FAM53B: variants seen among roughly 807,000 people sequenced by gnomAD.
The protein encoded by FAM53B is family with sequence similarity 53 member B.
In FAM53B, 12 loss-of-function variants were observed where a neutral mutation model predicts 32.7. The ratio of observed to expected loss-of-function variants is 0.37; its 90% CI spans 0.24 to 0.59. The LOEUF is 0.59. Ranked by LOEUF, FAM53B falls within the 20% of genes least tolerant of loss-of-function variation. The pLI, the probability that FAM53B is intolerant of heterozygous loss-of-function variation, is 0.72. For synonymous variants in FAM53B, 234 were observed against 228.7 expected, an observed-to-expected ratio of 1.02 and a Z score of -0.21; for missense variants, 477 against 577.7, an observed-to-expected ratio of 0.83 and a Z score of 1.79.
intron 1 of FAM53B, among the ~76,000 whole-genome samples, chr10:124,726,318 A>T (rs1166381054): frequency 1.3e-5 from 2 of 152,140 alleles, no homozygotes; most frequent in Non-Finnish European, 1.5e-5. Flanking sequence ...GGCCCTGGAA[A>T]TCTAAATCTA....
At chr10:124,637,296 C>T (rs1398023933) in intron 4 of FAM53B, among the ~76,000 whole-genome samples, 7 of 152,204 alleles carry the variant, frequency 4.6e-5, no homozygotes, top group Admixed American at 1.3e-4. Flanking sequence ...AGGTCCAGGA[C>T]GTACCTGGCA....
chr10:124,675,644 C>A (rs912484353), intron 4 of FAM53B, among the ~76,000 whole-genome samples: 3 of 152,186 alleles, frequency 2.0e-5, no homozygotes, highest in African/African-American at 7.2e-5. Context: ...GGGGACACAC[C>A]CCCAGTTATC....
At chr10:124,705,208 CCTGA>C (rs1564883081) in intron 2 of FAM53B, among the ~76,000 whole-genome samples, 1 of 152,176 alleles carries the variant, frequency 6.6e-6, no homozygotes, top group Non-Finnish European at 1.5e-5. Flanking sequence ...GCTGAAGAGA[CCTGA>C]CTGAGGGAGG....
rs762791368 is a variant in FAM53B, at chr10:124,651,020, G to C, written c.907-27416C>G. ...ATGTGAATTAGCCACGCCAGACACT[G>C]GGAGCCCCCCAATCTCCCTTCAGAG... On this transcript the variant is annotated intron_variant, in intron 4 of 4. Transcript: ENST00000337318. This position sits in a 1 kb window ranked among gnomAD's most constrained non-coding sequence, Gnocchi z 5.2. 3.3e-5 allele frequency among the ~76,000 whole-genome samples: 5 copies of C among 151,608 alleles called. No homozygotes were observed. Among genetic ancestry groups the C allele is most frequent in the Non-Finnish European group, 7.4e-5 (5 of 67,930 alleles).
At chr10:124,695,487 A>G (rs1411777907) in intron 3 of FAM53B, among the ~76,000 whole-genome samples, 6 of 152,220 alleles carry the variant, frequency 3.9e-5, no homozygotes, top group Non-Finnish European at 8.8e-5. Context: ...CAGCCTGTCT[A>G]TTCCACTCCT....
intron 1 of FAM53B, among the ~76,000 whole-genome samples, chr10:124,721,526 G>A (rs565565388): frequency 2.6e-5 from 4 of 152,194 alleles, no homozygotes; most frequent in Non-Finnish European, 4.4e-5. Context: ...CTCCCCAAGC[G>A]ACGCCAACCA....
At chr10:124,624,878 C>T (rs1317378991) in intron 4 of FAM53B, among the ~76,000 whole-genome samples, 3 of 152,192 alleles carry the variant, frequency 2.0e-5, no homozygotes, top group Non-Finnish European at 4.4e-5. Flanking sequence ...CCTGGATATC[C>T]CCAACCGGAC....
chr10:124,727,599 C>T (rs1272478551), intron 1 of FAM53B, among the ~76,000 whole-genome samples: 1 of 152,126 alleles, frequency 6.6e-6, no homozygotes, highest in Non-Finnish European at 1.5e-5. Flanking sequence ...CACTGCCATT[C>T]ACCATCGTTC....
chr10:124,632,683 T>C (rs905405833), intron 4 of FAM53B, among the ~76,000 whole-genome samples: 1 of 152,208 alleles, frequency 6.6e-6, no homozygotes, highest in African/African-American at 2.4e-5. Context: ...TTGTCTTCCA[T>C]GGAGGGCACA....
chr10:124,678,678 G>C (rs780987094), intron 4 of FAM53B, among the ~76,000 whole-genome samples: 1 of 152,088 alleles, frequency 6.6e-6, no homozygotes, highest in Non-Finnish European at 1.5e-5. Context: ...GCTTCTAGCA[G>C]AGTCTACACC....
intron 4 of FAM53B, among the ~76,000 whole-genome samples, chr10:124,633,713 G>A (rs190617584): frequency 5.7e-4 from 86 of 152,192 alleles, no homozygotes; most frequent in African/African-American, 2.0e-3. Context: ...CTCAACAGAT[G>A]GTACTGAAAC....
In FAM53B at chr10:124,626,397, C is replaced by CG. The variant is rs989968675; in HGVS notation, c.907-2794_907-2793insC. On this transcript the variant is annotated intron_variant, in intron 4 of 4. Coordinates refer to ENST00000337318, the MANE Select transcript of FAM53B (RefSeq NM_014661.4). ...TACGGTCGAAATTTGTGCCCCCCCC[C>CG]CCCCCACCATTCCTCAGTGCAAAAG... Among the ~76,000 whole-genome samples, 150 of 146,378 alleles carry CG rather than the reference C, an allele frequency of 1.0e-3. 4 individuals are homozygous for CG. The highest frequency in any genetic ancestry group is 3.4e-3 in the African/African-American group (137 of 40,352).
At chr10:124,650,499 G>C (rs1475691113) in intron 4 of FAM53B, among the ~76,000 whole-genome samples, 1 of 151,284 alleles carries the variant, frequency 6.6e-6, no homozygotes, top group East Asian at 1.9e-4. Flanking sequence ...GGCCAGATGT[G>C]CTAGGCGCTC....
At chr10:124,642,336 C>T (rs778772583) in intron 4 of FAM53B, among the ~76,000 whole-genome samples, 3 of 152,194 alleles carry the variant, frequency 2.0e-5, no homozygotes, top group Admixed American at 6.5e-5. Context: ...TCCACAGTGA[C>T]GGGTCTCACT....
chr10:124,646,376 C>A (rs1300933849), intron 4 of FAM53B, among the ~76,000 whole-genome samples: 1 of 152,254 alleles, frequency 6.6e-6, no homozygotes, highest in Non-Finnish European at 1.5e-5. Flanking sequence ...CTTCCCCAGG[C>A]CTCTAATGCC....
In FAM53B at chr10:124,682,066, C is replaced by A. The variant is rs769782082; in HGVS notation, c.447G>T (p.Gly149=). The A allele has an allele frequency of 1.6e-5, 26 of 1,613,570 alleles. No individual in the cohort carries two copies. The African/African-American group carries it at 3.3e-4, about 21-fold the overall frequency. ...CGTTGGAATAGCGCTGGACGCTGCC[C>A]CCGCTGTAGCAGCGTCTCTTTTCCA... ...TPVEKRRCYS[G]GSVQRYSNGF... The change falls in exon 4 of 5, where the codon GGG becomes GGT. Residue 149 remains glycine, a synonymous_variant. Transcript: ENST00000337318. The surrounding 1 kb of genome is among the most constrained non-coding windows in gnomAD (Gnocchi z 5.2).
At chr10:124,680,250 A>G (rs964451977) in intron 4 of FAM53B, among the ~76,000 whole-genome samples, 6 of 152,188 alleles carry the variant, frequency 3.9e-5, no homozygotes, top group African/African-American at 1.4e-4. Context: ...ACACCCCTTC[A>G]GGCTCTCCCC....
intron 2 of FAM53B, among the ~76,000 whole-genome samples, chr10:124,698,247 G>A (rs1949888160): frequency 6.6e-6 from 1 of 152,156 alleles, no homozygotes; most frequent in South Asian, 2.1e-4. Flanking sequence ...AGGCCAGAGA[G>A]GCCACACCAG....
At chr10:124,715,073 G>T (rs1320081256) in intron 1 of FAM53B, among the ~76,000 whole-genome samples, 1 of 152,210 alleles carries the variant, frequency 6.6e-6, no homozygotes, top group Non-Finnish European at 1.5e-5. Flanking sequence ...TCCAAGACCT[G>T]TAAGTTTCAT....
Sources: allele counts gnomAD v4.1 joint callset (sites outside exome capture counted in the v4.1 genomes callset), GRCh38; gene constraint gnomAD v4.1.1; non-coding constraint Gnocchi (gnomAD v3.1); transcripts MANE v1.5; gene names NCBI Gene and HGNC (gene_info 2026-07-23, HGNC 2026-07-21).